RBFOX1: variants seen among roughly 807,000 people sequenced by gnomAD.
RBFOX1 encodes RNA binding fox-1 homolog 1, also known as RNA binding protein fox-1 homolog 1.
In RBFOX1, 8 loss-of-function variants were observed where a neutral mutation model predicts 57.7. That is an observed-to-expected ratio of 0.14 (90% CI 0.08 to 0.25). The LOEUF is 0.25. RBFOX1 is among the 10% of genes least tolerant of loss of function. The pLI, the probability that RBFOX1 is intolerant of heterozygous loss-of-function variation, is 1.00. For synonymous variants in RBFOX1, 326 were observed against 222.4 expected, an observed-to-expected ratio of 1.47 and a Z score of -4.15; for missense variants, 611 against 548.5, an observed-to-expected ratio of 1.11 and a Z score of -1.14.
At chr16:6,696,389 T>C (rs2061052639) in intron 3 of RBFOX1, among the ~76,000 whole-genome samples, 1 of 152,210 alleles carries the variant, frequency 6.6e-6, no homozygotes, top group South Asian at 2.1e-4. Flanking sequence ...TGTTTTATAT[T>C]GAAACCTCAA....
chr16:6,008,873 A>C (rs2094942999), intron 4 of RBFOX1, among the ~76,000 whole-genome samples: 1 of 152,222 alleles, frequency 6.6e-6, no homozygotes, highest in Admixed American at 6.5e-5. Context: ...ATGGCAAGCA[A>C]GCTCGTCTTA....
At chr16:6,721,645 A>C (rs183261131) in intron 3 of RBFOX1, 218 of 152,226 alleles carry the variant, frequency 1.4e-3, no homozygotes, top group African/African-American at 4.6e-3. Flanking sequence ...CTCTTTGTGA[A>C]TTCCTATTCT....
chr16:5,923,318 G>A (rs958533491), intron 4 of RBFOX1, among the ~76,000 whole-genome samples: 13 of 152,256 alleles, frequency 8.5e-5, no homozygotes, highest in African/African-American at 3.1e-4. Context: ...GGATGGTGGG[G>A]ACCTTGCAGG....
intron 4 of RBFOX1, among the ~76,000 whole-genome samples, chr16:5,989,322 C>G (rs1447681833): frequency 1.3e-5 from 2 of 151,864 alleles, no homozygotes; most frequent in African/African-American, 4.8e-5. Context: ...CAGAGCAAGA[C>G]TCTGTCTGAA....
At chr16:7,309,467 T>A (rs1439829932) in intron 4 of RBFOX1, among the ~76,000 whole-genome samples, 2 of 152,208 alleles carry the variant, frequency 1.3e-5, no homozygotes, top group African/African-American at 2.4e-5. Flanking sequence ...TGCCTGCCAT[T>A]TTGAGGCAGT....
intron 4 of RBFOX1, among the ~76,000 whole-genome samples, chr16:6,013,878 C>T (rs570167774): frequency 2.3e-4 from 34 of 150,066 alleles, no homozygotes; most frequent in Non-Finnish European, 4.0e-4. Flanking sequence ...AAACAAACAC[C>T]GCATGTTTTC....
intron 3 of RBFOX1, among the ~76,000 whole-genome samples, chr16:5,687,438 T>G (rs1009535287): frequency 6.6e-6 from 1 of 152,054 alleles, no homozygotes; most frequent in Non-Finnish European, 1.5e-5. Context: ...GACACTGATA[T>G]GTACATCTCA....
chr16:7,544,966 C>T (rs757458410), intron 5 of RBFOX1, among the ~76,000 whole-genome samples: 2 of 152,024 alleles, frequency 1.3e-5, no homozygotes, highest in Non-Finnish European at 2.9e-5. Flanking sequence ...GATGTGTGAA[C>T]GGAATGTATG....
At chr16:6,265,959 G>C (rs2074434494) in intron 1 of RBFOX1, among the ~76,000 whole-genome samples, 1 of 152,094 alleles carries the variant, frequency 6.6e-6, no homozygotes. Flanking sequence ...GTCCATGGTA[G>C]GTTTATTATT....
At chr16:7,315,239 C>T (rs960446737) in intron 4 of RBFOX1, among the ~76,000 whole-genome samples, 3 of 151,888 alleles carry the variant, frequency 2.0e-5, no homozygotes, top group Admixed American at 2.0e-4. Context: ...GGGGGTAAAA[C>T]AGAATATTTA....
At chr16:7,124,739 C>G (rs1489338113) in intron 4 of RBFOX1, among the ~76,000 whole-genome samples, 1 of 151,944 alleles carries the variant, frequency 6.6e-6, no homozygotes, top group Admixed American at 6.6e-5. Context: ...GAAAAGGTAG[C>G]TGGCTTTAGT....
chr16:6,484,021 G>T (rs1007355494), intron 2 of RBFOX1: 1 of 836,862 alleles, frequency 1.2e-6, no homozygotes. Context: ...GGGCTAGGGG[G>T]CGTTTAGAGG....
intron 3 of RBFOX1, among the ~76,000 whole-genome samples, chr16:6,759,867 C>T (rs2076357325): frequency 6.6e-6 from 1 of 152,148 alleles, no homozygotes; most frequent in South Asian, 2.1e-4. Flanking sequence ...TGGCCTATAA[C>T]AGCGAACTGA....
chr16:6,822,056 A>G (rs1052510421), intron 3 of RBFOX1, among the ~76,000 whole-genome samples: 3 of 152,174 alleles, frequency 2.0e-5, no homozygotes, highest in African/African-American at 7.2e-5. Flanking sequence ...TGATCATCAT[A>G]CTGAGACTAC....
chr16:7,545,617 C>G (rs899920710), intron 5 of RBFOX1, among the ~76,000 whole-genome samples: 5 of 152,162 alleles, frequency 3.3e-5, no homozygotes, highest in Non-Finnish European at 7.4e-5. Flanking sequence ...CCACTTCTTT[C>G]CACCTCTGAC....
intron 3 of RBFOX1, among the ~76,000 whole-genome samples, chr16:7,007,517 G>T (rs2093369847): frequency 6.6e-6 from 1 of 152,134 alleles, no homozygotes; most frequent in Non-Finnish European, 1.5e-5. Flanking sequence ...AGGTTCTGGG[G>T]ATTAGGACAT....
chr16:6,658,047 G>A (rs2154094388), intron 3 of RBFOX1, among the ~76,000 whole-genome samples: 1 of 152,072 alleles, frequency 6.6e-6, no homozygotes, highest in African/African-American at 2.4e-5. Context: ...CTTCTTGATA[G>A]AAGAATTTTA....
intron 2 of RBFOX1, among the ~76,000 whole-genome samples, chr16:6,326,983 T>C (rs972042619): frequency 6.6e-6 from 1 of 152,188 alleles, no homozygotes; most frequent in Non-Finnish European, 1.5e-5. Context: ...AATCCACATC[T>C]CAGGGACCTT....
intron 2 of RBFOX1, among the ~76,000 whole-genome samples, chr16:6,538,159 G>A (rs1267125511): frequency 1.3e-5 from 2 of 152,078 alleles, no homozygotes; most frequent in Admixed American, 6.6e-5. Context: ...CCTCCAATAA[G>A]CATGTGGAAA....
Sources: gnomAD v4.1 joint callset for allele counts (sites outside exome capture counted in the v4.1 genomes callset) on GRCh38, gnomAD v4.1.1 for gene constraint, MANE v1.5 for transcripts, NCBI Gene and HGNC (gene_info 2026-07-23, HGNC 2026-07-21) for gene names.